SUSD6: variants seen among roughly 807,000 people sequenced by gnomAD.
SUSD6 encodes the protein sushi domain containing 6.
Under a neutral mutation model 28.4 loss-of-function variants are expected in SUSD6, and 16 were observed. That is an observed-to-expected ratio of 0.56 (90% CI 0.38 to 0.86). The LOEUF (loss-of-function observed/expected upper bound fraction) is 0.86, where lower values mean the gene tolerates loss of function less well. Among genes scored for constraint, SUSD6 ranks in the 40% least tolerant of loss-of-function variants. SUSD6 has a pLI of 0.00. For missense variants in SUSD6, 341 were observed against 384.2 expected, an observed-to-expected ratio of 0.89 and a Z score of 0.94; for synonymous variants, 147 against 159.6, an observed-to-expected ratio of 0.92 and a Z score of 0.59.
intron 2 of SUSD6, among the ~76,000 whole-genome samples, chr14:69,664,253 T>C (rs113695870): frequency 0.027 from 4,037 of 152,236 alleles, 186 homozygotes; most frequent in African/African-American, 0.092. Flanking sequence ...GTGCTGGGAT[T>C]ACAGGCATGA....
At chr14:69,667,543 AT>A (rs953236694) in intron 2 of SUSD6, among the ~76,000 whole-genome samples, 158 of 142,966 alleles carry the variant, frequency 1.1e-3, no homozygotes, top group Non-Finnish European at 1.1e-3. Context: ...CACCCAGCTA[AT>A]TTTTTTTTTT....
intron 1 of SUSD6, among the ~76,000 whole-genome samples, chr14:69,635,470 A>G (rs750396310): frequency 6.6e-6 from 1 of 152,202 alleles, no homozygotes; most frequent in Non-Finnish European, 1.5e-5. Flanking sequence ...AGTTCTGTCA[A>G]ACAGTGAGGT....
Position 69,633,619 on chromosome 14 carries a change from A to G in SUSD6, c.-81+21791A>G, listed in dbSNP as rs1462799988. On this transcript the variant is annotated intron_variant, in intron 1 of 5. Coordinates refer to ENST00000342745, the MANE Select transcript of SUSD6 (RefSeq NM_014734.4). ...TCATTATTTTGTTCATAACTCACAA[A>G]TAGCTGCAGCTTATTCTTCCTTATA... Among the ~76,000 whole-genome samples, 8 of 152,330 alleles carry G rather than the reference A, an allele frequency of 5.3e-5. No individual in the cohort carries two copies. In the East Asian group the frequency reaches 1.5e-3, roughly 29 times the overall value.
intron 1 of SUSD6, among the ~76,000 whole-genome samples, chr14:69,616,822 C>T (rs1360997503): frequency 1.3e-5 from 2 of 151,642 alleles, no homozygotes; most frequent in Non-Finnish European, 2.9e-5. Flanking sequence ...TTTAACAGGT[C>T]ATAAAATTCA....
At chr14:69,653,245 C>T (rs186774896) in intron 1 of SUSD6, among the ~76,000 whole-genome samples, 12 of 152,276 alleles carry the variant, frequency 7.9e-5, no homozygotes, top group East Asian at 1.9e-4. Flanking sequence ...TTGGGGCTGA[C>T]GGTCGAGCTG....
At chr14:69,679,607 A>G (rs539763903) in intron 2 of SUSD6, among the ~76,000 whole-genome samples, 42 of 149,476 alleles carry the variant, frequency 2.8e-4, no homozygotes, top group African/African-American at 4.0e-4. Context: ...CTCATCAGCT[A>G]TTGTTAGTGT....
chr14:69,644,456 C>A (rs972478288), intron 1 of SUSD6, among the ~76,000 whole-genome samples: 1 of 152,072 alleles, frequency 6.6e-6, no homozygotes, highest in African/African-American at 2.4e-5. Flanking sequence ...TCGAGACCAT[C>A]CTGGCCAACA....
At chr14:69,686,162 G>T (rs1886070067) in intron 2 of SUSD6, among the ~76,000 whole-genome samples, 1 of 152,208 alleles carries the variant, frequency 6.6e-6, no homozygotes, top group African/African-American at 2.4e-5. Context: ...TTTAGTGTCA[G>T]TTGAATACTC....
In SUSD6 at chr14:69,708,882, G is replaced by T. The variant is rs535858844; in HGVS notation, c.664G>T (p.Ala222Ser). Residue 222 changes from alanine (A) to serine (S), a missense_variant, in exon 5 of 6, where the codon GCC (alanine) becomes TCC (serine). Coordinates refer to ENST00000342745, the MANE Select transcript of SUSD6 (RefSeq NM_014734.4). ...PREQQLPDQG[A>S]CSSAGGEDEA... ...GGAGCAACAGCTGCCGGACCAAGGGGCCTGCTCCTCTGCAGGTGGAGAAGA... is the reference window on the plus strand; with the variant it reads ...GGAGCAACAGCTGCCGGACCAAGGGTCCTGCTCCTCTGCAGGTGGAGAAGA... The T allele has an allele frequency of 2.2e-5, 35 of 1,614,154 alleles. No homozygotes were observed. The South Asian group carries it at 3.4e-4, about 16-fold the overall frequency.
chr14:69,708,351 G>A (rs1886413398), intron 4 of SUSD6, among the ~76,000 whole-genome samples: 1 of 152,146 alleles, frequency 6.6e-6, no homozygotes, highest in Non-Finnish European at 1.5e-5. Flanking sequence ...GGGTAAAAGG[G>A]CCAGGTGCCT....
chr14:69,657,432 G>A (rs1885599206), intron 1 of SUSD6, among the ~76,000 whole-genome samples: 1 of 151,196 alleles, frequency 6.6e-6, no homozygotes. Flanking sequence ...TCTAGCCTGG[G>A]CAACAGAGCA....
chr14:69,633,407 G>T (rs930060990), intron 1 of SUSD6, among the ~76,000 whole-genome samples: 3 of 152,044 alleles, frequency 2.0e-5, no homozygotes, highest in African/African-American at 7.3e-5. Context: ...CTCTCTTCCC[G>T]ACCTTACCCT....
intron 2 of SUSD6, among the ~76,000 whole-genome samples, chr14:69,686,532 T>C (rs1242387401): frequency 6.6e-6 from 1 of 152,182 alleles, no homozygotes; most frequent in African/African-American, 2.4e-5. Flanking sequence ...GATAAAGACA[T>C]ACCCGAGACT....
At chr14:69,705,186 C>T (rs1428715724) in intron 4 of SUSD6, among the ~76,000 whole-genome samples, 5 of 151,862 alleles carry the variant, frequency 3.3e-5, no homozygotes, top group East Asian at 1.9e-4. Context: ...GGTGTGGTGG[C>T]GCGCGCCTGT....
At chr14:69,703,922 A>G (rs911962280) in intron 3 of SUSD6, 1 of 322,862 alleles carries the variant, frequency 3.1e-6, no homozygotes, top group East Asian at 7.4e-5. Context: ...ACCTTCTCTA[A>G]TGTATCGTCC....
intron 1 of SUSD6, among the ~76,000 whole-genome samples, chr14:69,645,260 C>T (rs1885410168): frequency 6.6e-6 from 1 of 152,152 alleles, no homozygotes; most frequent in South Asian, 2.1e-4. Flanking sequence ...GGGGAAAATA[C>T]TCAGGTTAGT....
chr14:69,656,625 T>C lies in SUSD6; in HGVS notation c.-80-1888T>C, dbSNP rs1885587006. Reference sequence around the variant, plus strand: ...ATTACAACAGCAGCAGCAGCCAGTGTTTACTGAGGACTTACAAAGCACCAA... The same window carrying C: ...ATTACAACAGCAGCAGCAGCCAGTGCTTACTGAGGACTTACAAAGCACCAA... On this transcript the variant is annotated intron_variant, in intron 1 of 5. Coordinates refer to ENST00000342745, the MANE Select transcript of SUSD6 (RefSeq NM_014734.4). Among the ~76,000 whole-genome samples, 3 of 152,330 alleles carry C rather than the reference T, an allele frequency of 2.0e-5. No homozygotes were observed. In the South Asian group the frequency reaches 6.2e-4, roughly 32 times the overall value.
At chr14:69,640,139 C>T (rs1885330899) in intron 1 of SUSD6, among the ~76,000 whole-genome samples, 1 of 151,652 alleles carries the variant, frequency 6.6e-6, no homozygotes, top group African/African-American at 2.4e-5. Context: ...TTAATGCCTC[C>T]TCCAGGATGT....
At chr14:69,651,298 C>T (rs1310531943) in intron 1 of SUSD6, among the ~76,000 whole-genome samples, 1 of 152,128 alleles carries the variant, frequency 6.6e-6, no homozygotes. Context: ...TTCCTGTTGT[C>T]TGAAGTTGGG....
Sources: gnomAD v4.1 joint callset for allele counts (sites outside exome capture counted in the v4.1 genomes callset) on GRCh38, gnomAD v4.1.1 for gene constraint, MANE v1.5 for transcripts, NCBI Gene and HGNC (gene_info 2026-07-23, HGNC 2026-07-21) for gene names.